TRPV5: variants seen among roughly 807,000 people sequenced by gnomAD.
The protein encoded by TRPV5 is transient receptor potential cation channel subfamily V member 5.
TRPV5 carries 66 observed loss-of-function variants against 74.1 expected under a neutral mutation model. The observed-to-expected ratio is 0.89, with a 90% CI of 0.73 to 1.09. TRPV5 has a LOEUF of 1.09. Ranked by LOEUF, TRPV5 falls within the 50% of genes least tolerant of loss-of-function variation. The pLI is 0.00. For missense variants in TRPV5, 936 were observed against 930.4 expected, an observed-to-expected ratio of 1.01 and a Z score of -0.08; for synonymous variants, 399 against 360.7, an observed-to-expected ratio of 1.11 and a Z score of -1.20.
At chr7:142,915,658 A>G (rs1183109406) in intron 8 of TRPV5, 90 bp from the exon 9 acceptor site, 3 of 1,302,940 alleles carry the variant, frequency 2.3e-6, no homozygotes, top group South Asian at 1.3e-5. Flanking sequence ...AGCCCATCCA[A>G]AATAAAGGAA....
At chr7:142,918,817 T>A (rs1253779132) in intron 8 of TRPV5, among the ~76,000 whole-genome samples, 1 of 152,184 alleles carries the variant, frequency 6.6e-6, no homozygotes, top group African/African-American at 2.4e-5. Flanking sequence ...GCCACTTGAT[T>A]TGTAAGTCAT....
chr7:142,908,682 C>T lies in TRPV5; in HGVS notation c.2022G>A (p.Gly674=). Residue 674 remains glycine, a synonymous_variant, in exon 15 of 15, where the codon GGG becomes GGA. Coordinates refer to ENST00000265310, the MANE Select transcript of TRPV5 (RefSeq NM_019841.7). The part of the protein sequence containing the change: ...SEKQPSGAES[G]TLARASLALP... Reference sequence around the variant, plus strand: ...GAGCCAAAGAGGCTCTGGCTAGAGTCCCACTCTCAGCCCCAGAGGGCTGTT... The same window carrying T: ...GAGCCAAAGAGGCTCTGGCTAGAGTTCCACTCTCAGCCCCAGAGGGCTGTT... 6.2e-7 allele frequency: 1 copy of T among 1,614,226 alleles called. No individual in the cohort carries two copies. Among genetic ancestry groups the T allele is most frequent in the Non-Finnish European group, 8.5e-7 (1 of 1,180,030 alleles).
At chr7:142,911,898 G>T (rs762273001) in intron 13 of TRPV5, among the ~76,000 whole-genome samples, 1 of 152,196 alleles carries the variant, frequency 6.6e-6, no homozygotes, top group Non-Finnish European at 1.5e-5. Context: ...TTAGCTCAAT[G>T]CGACATAAAT....
Position 142,928,147 on chromosome 7 carries a change from C to T in TRPV5, c.850G>A (p.Asp284Asn), listed in dbSNP as rs750818507. Residue 284 changes from aspartate to asparagine, a missense_variant, in exon 7 of 15, where the codon GAC (aspartate) becomes AAC (asparagine). Physicochemically the swap from Asp to Asn is conservative, Grantham distance 23 (BLOSUM62 1). Transcript: ENST00000265310. ...TSILYDLTEI[D>N]SWGEELSFLE... is the part of the protein sequence containing the mutation. ...AAGGACAGCTCCTCTCCCCAGGAGTCGATCTCCGTGAGGTCGTAGAGAATG... is the reference window on the plus strand; with the variant it reads ...AAGGACAGCTCCTCTCCCCAGGAGTTGATCTCCGTGAGGTCGTAGAGAATG... The T allele has an allele frequency of 3.1e-6, 5 of 1,614,056 alleles. No homozygotes were observed. Among genetic ancestry groups the T allele is most frequent in the African/African-American group, 1.3e-5 (1 of 74,908 alleles).
chr7:142,908,541 C>G lies in TRPV5; in HGVS notation c.2163G>C (p.Gly721=), dbSNP rs747555040. ...AAAAATGGTAGACCTCCTCTCCATCCCCCTCACTAAGGTTCAGTCCAAGAT... is the reference window on the plus strand; with the variant it reads ...AAAAATGGTAGACCTCCTCTCCATCGCCCTCACTAAGGTTCAGTCCAAGAT... ...HLNLGLNLSE[G]DGEEVYHF Residue 721 remains glycine, a synonymous_variant, in exon 15 of 15, where the codon GGG becomes GGC. Coordinates refer to ENST00000265310, the MANE Select transcript of TRPV5 (RefSeq NM_019841.7). 3 of 1,614,196 alleles carry G rather than the reference C, an allele frequency of 1.9e-6. No homozygotes were observed. The highest frequency in any genetic ancestry group is 2.5e-6 in the Non-Finnish European group (3 of 1,180,026).
chr7:142,929,240 C>T, intron 4 of TRPV5, 120 bp from the exon 5 acceptor site: 1 of 1,478,494 alleles, frequency 6.8e-7, no homozygotes, highest in Non-Finnish European at 9.1e-7. Context: ...CTGAGGGACA[C>T]TCGTCCAGCA....
At chr7:142,908,983 C>A (rs112949774) in intron 14 of TRPV5, among the ~76,000 whole-genome samples, 175 bp from the exon 15 acceptor site, 5 of 152,152 alleles carry the variant, frequency 3.3e-5, no homozygotes, top group African/African-American at 1.2e-4. Flanking sequence ...GGCAGGCTAA[C>A]CTGGGATAGA....
intron 12 of TRPV5, among the ~76,000 whole-genome samples, chr7:142,913,117 G>A (rs1424834222): frequency 6.6e-6 from 1 of 152,212 alleles, no homozygotes; most frequent in Non-Finnish European, 1.5e-5. Context: ...TAAAAGGCAA[G>A]TTATTACAAG....
Position 142,912,640 on chromosome 7 carries a change from G to A in TRPV5, c.1630C>T (p.Pro544Ser). ...FELFLTVIDA[P>S]ANYDVDLPFM... is the part of the protein sequence containing the mutation. Reference sequence around the variant, plus strand: ...GGCAAGTCCACGTCGTAGTTGGCAGGTGCATCAATAACAGTGAGAAAAAGC... The same window carrying A: ...GGCAAGTCCACGTCGTAGTTGGCAGATGCATCAATAACAGTGAGAAAAAGC... The change falls in exon 13 of 15, where the codon CCT becomes TCT. Residue 544 changes from proline to serine, a missense_variant. By Grantham distance (74) the Pro-to-Ser change is moderately conservative. Transcript: ENST00000265310. The A allele has an allele frequency of 1.2e-6, 2 of 1,614,242 alleles. No homozygotes were observed. Among genetic ancestry groups the A allele is most frequent in the Non-Finnish European group, 1.7e-6 (2 of 1,180,054 alleles).
At chr7:142,918,910 C>T (rs994102475) in intron 8 of TRPV5, among the ~76,000 whole-genome samples, 75 of 152,324 alleles carry the variant, frequency 4.9e-4, no homozygotes, top group African/African-American at 1.6e-3. Flanking sequence ...GAGTACCAAA[C>T]GGGATGTACA....
At chr7:142,909,671 A>T in intron 13 of TRPV5, 75 bp from the exon 14 acceptor site, 1 of 1,456,906 alleles carries the variant, frequency 6.9e-7, no homozygotes, top group Non-Finnish European at 9.4e-7. Flanking sequence ...GGCCACTGAT[A>T]AAGGGAACCA....
intron 8 of TRPV5, among the ~76,000 whole-genome samples, chr7:142,923,939 G>A (rs529520005): frequency 6.6e-6 from 1 of 152,210 alleles, no homozygotes; most frequent in South Asian, 2.1e-4. Flanking sequence ...GAAGGTTGGA[G>A]AAGACATATC....
intron 8 of TRPV5, among the ~76,000 whole-genome samples, chr7:142,922,901 T>C (rs947005375): frequency 5.3e-5 from 8 of 152,224 alleles, no homozygotes; most frequent in Non-Finnish European, 1.2e-4. Flanking sequence ...TTAGAGTCAT[T>C]AAGATAGCCC....
Position 142,915,060 on chromosome 7 carries a change from A to G in TRPV5, c.1287-14T>C. 6.2e-7 allele frequency: 1 copy of G among 1,612,634 alleles called. No individual in the cohort carries two copies. Among genetic ancestry groups the G allele is most frequent in the Non-Finnish European group, 8.5e-7 (1 of 1,179,246 alleles). ...GCATAGGTGATGCTGGGGGAGCAGAAAGCAGAGAGTGAGAGACAAGCTGGA... is the reference window on the plus strand; with the variant it reads ...GCATAGGTGATGCTGGGGGAGCAGAGAGCAGAGAGTGAGAGACAAGCTGGA... On this transcript the variant is annotated splice_polypyrimidine_tract_variant and intron_variant, in intron 10 of 14. Transcript: ENST00000265310.
intron 1 of TRPV5, among the ~76,000 whole-genome samples, 177 bp from the exon 2 acceptor site, chr7:142,930,623 C>G (rs4252398): frequency 0.016 from 2,472 of 152,336 alleles, 59 homozygotes; most frequent in African/African-American, 0.056. Context: ...CAAGGGTCAG[C>G]CCCAGGGCCT....
chr7:142,914,688 T>C lies in TRPV5; in HGVS notation c.1471A>G (p.Met491Val). 4 of 1,613,708 alleles carry C rather than the reference T, an allele frequency of 2.5e-6. No homozygotes were observed. Among genetic ancestry groups the C allele is most frequent in the Non-Finnish European group, 3.4e-6 (4 of 1,179,856 alleles). ...ACAGCCATCAGCCAGCAGAAACGCA[T>C]TAGGTCTCCAAAAATCATCTGCAGG... ...MIQKMIFGDLMRFCWLMAVVI... is the reference protein window; with the variant it reads ...MIQKMIFGDLVRFCWLMAVVI... The change falls in exon 12 of 15, where the codon ATG (methionine) becomes GTG (valine). Residue 491 changes from methionine (M) to valine (V), a missense_variant. Physicochemically the swap from Met to Val is conservative, Grantham distance 21. Coordinates refer to ENST00000265310, the MANE Select transcript of TRPV5 (RefSeq NM_019841.7).
At chr7:142,926,990 C>T (rs571376375) in intron 7 of TRPV5, among the ~76,000 whole-genome samples, 8 of 152,316 alleles carry the variant, frequency 5.3e-5, no homozygotes, top group Admixed American at 3.9e-4. Flanking sequence ...TCTCATGGAA[C>T]GTTCTGAAAC....
chr7:142,908,565 A>G lies in TRPV5; in HGVS notation c.2139T>C (p.Asn713=). The G allele has an allele frequency of 6.2e-7, 1 of 1,614,238 alleles. No individual in the cohort carries two copies. Residue 713 remains asparagine, a synonymous_variant, in exon 15 of 15, where the codon AAT becomes AAC. Coordinates refer to ENST00000265310, the MANE Select transcript of TRPV5 (RefSeq NM_019841.7). ...CCCCCTCACTAAGGTTCAGTCCAAG[A>G]TTCAAGTGCCCCAGGGTGTTTTGAC... ...ILRQNTLGHL[N]LGLNLSEGDG...
At chr7:142,931,097 A>C (rs1392861772) in intron 1 of TRPV5, among the ~76,000 whole-genome samples, 8 of 131,042 alleles carry the variant, frequency 6.1e-5, no homozygotes, top group Non-Finnish European at 1.1e-4. Flanking sequence ...ATCTCAGCTT[A>C]CCGCAGCCTC....
Sources: gnomAD v4.1 joint callset for allele counts (sites outside exome capture counted in the v4.1 genomes callset) on GRCh38, gnomAD v4.1.1 for gene constraint, MANE v1.5 for transcripts, NCBI Gene and HGNC (gene_info 2026-07-23, HGNC 2026-07-21) for gene names.